UBAP2L: variants seen among roughly 807,000 people sequenced by gnomAD.
UBAP2L encodes the protein ubiquitin associated protein 2 like.
Under a neutral mutation model 130.6 loss-of-function variants are expected in UBAP2L, and 12 were observed. That is an observed-to-expected ratio of 0.09 (90% CI 0.06 to 0.15). UBAP2L has a LOEUF of 0.15. Ranked by LOEUF, UBAP2L falls within the 10% of genes least tolerant of loss-of-function variation. The probability of loss-of-function intolerance (pLI) is 1.00; values close to 1 mark genes in which losing one functional copy is unlikely to be tolerated. For synonymous variants in UBAP2L, 503 were observed against 524.7 expected (o/e 0.96, Z 0.57); for missense variants, 965 against 1,332.5 (o/e 0.72, Z 4.29).
rs752379192 is a variant in UBAP2L, at chr1:154,241,499, T to C, written c.704-14T>C. On this transcript the variant is annotated splice_polypyrimidine_tract_variant and intron_variant, in intron 8 of 26. Coordinates refer to ENST00000428931, the MANE Select transcript of UBAP2L (RefSeq NM_014847.4). Reference sequence around the variant, plus strand: ...TAATAGTGAAGTTACTTCACTATTTTTCTTTATTCTCAGGTGCATGGAGGA... The same window carrying C: ...TAATAGTGAAGTTACTTCACTATTTCTCTTTATTCTCAGGTGCATGGAGGA... 2.9e-5 allele frequency: 47 copies of C among 1,613,348 alleles called. No individual in the cohort carries two copies. The highest frequency in any genetic ancestry group is 1.4e-5 in the Non-Finnish European group (16 of 1,179,540).
intron 4 of UBAP2L, among the ~76,000 whole-genome samples, chr1:154,229,468 G>A (rs954377043): frequency 6.6e-6 from 1 of 151,510 alleles, no homozygotes; most frequent in African/African-American, 2.4e-5. Context: ...AATGAGCAGT[G>A]TATTATTATT....
intron 9 of UBAP2L, 44 bp from the exon 10 acceptor site, chr1:154,243,173 T>C: frequency 6.4e-7 from 1 of 1,558,162 alleles, no homozygotes; most frequent in Non-Finnish European, 8.8e-7. Context: ...TTTCTGACTG[T>C]AGCATCCCTG....
chr1:154,220,181 C>T, upstream of UBAP2L: 1 of 940,490 alleles, frequency 1.1e-6, no homozygotes, highest in South Asian at 1.5e-5. Flanking sequence ...CGGGTCGGCC[C>T]GACTAAGTGA....
intron 17 of UBAP2L, 121 bp from the exon 18 acceptor site, chr1:154,255,562 T>A: frequency 7.9e-7 from 1 of 1,267,942 alleles, no homozygotes. Context: ...GCTTAACATA[T>A]GATCTCAGAC....
rs1313175956 is a variant in UBAP2L, at chr1:154,254,020, A to T, written c.1785A>T (p.Arg595Ser). ...NNAQGPLYEQ[R>S]STQTRRYPSS... ...CTCAGGGCCCTCTTTATGAACAGAG[A>T]TCCACACAGACTCGGCGGTACCCCA... Residue 595 changes from arginine (R) to serine (S), a missense_variant, in exon 15 of 27, where the codon AGA becomes AGT. Physicochemically the swap from Arg to Ser is moderately radical, Grantham distance 110. Coordinates refer to ENST00000428931, the MANE Select transcript of UBAP2L (RefSeq NM_014847.4). 5 of 1,612,872 alleles carry T rather than the reference A, an allele frequency of 3.1e-6. No individual in the cohort carries two copies. The highest frequency in any genetic ancestry group is 4.2e-6 in the Non-Finnish European group (5 of 1,179,562).
At chr1:154,257,467 T>G in intron 20 of UBAP2L, 33 bp downstream of exon 20, 1 of 1,609,564 alleles carries the variant, frequency 6.2e-7, no homozygotes, top group Non-Finnish European at 8.5e-7. Flanking sequence ...CTTCAAAAGG[T>G]GAGGATGTTG....
At chr1:154,233,291 A>C (rs1342621377) in intron 4 of UBAP2L, among the ~76,000 whole-genome samples, 2 of 151,572 alleles carry the variant, frequency 1.3e-5, no homozygotes, top group Non-Finnish European at 2.9e-5. Flanking sequence ...CTGGAATTAC[A>C]GGCGTGAGTC....
At chr1:154,234,492 G>GT in intron 4 of UBAP2L, 99 bp from the exon 5 acceptor site, 1 of 1,303,020 alleles carries the variant, frequency 7.7e-7, no homozygotes, top group Non-Finnish European at 1.1e-6. Context: ...TGGATGCTGA[G>GT]TGGAGAATGG....
intron 2 of UBAP2L, among the ~76,000 whole-genome samples, chr1:154,227,030 C>T (rs1488353474): frequency 6.6e-6 from 1 of 152,208 alleles, no homozygotes; most frequent in Admixed American, 6.5e-5. Context: ...GCCATGTTGG[C>T]CAGGCTGGTC....
At chr1:154,238,898 G>A (rs1050504827) in intron 8 of UBAP2L, among the ~76,000 whole-genome samples, 10 of 151,834 alleles carry the variant, frequency 6.6e-5, no homozygotes, top group African/African-American at 7.3e-5. Context: ...ACGCCACCAC[G>A]CCTGGCTAAT....
chr1:154,228,467 G>A (rs554258713), intron 3 of UBAP2L, 148 bp from the exon 4 acceptor site: 20 of 562,982 alleles, frequency 3.6e-5, no homozygotes, highest in East Asian at 6.5e-5. Flanking sequence ...GATTATAGGC[G>A]TGAGCCACTG....
chr1:154,254,632 T>C lies in UBAP2L; in HGVS notation c.1855-204T>C, dbSNP rs1356992482. The C allele has an allele frequency of 1.2e-5, 7 of 588,300 alleles. No homozygotes were observed. In the Admixed American group the frequency reaches 2.6e-4, roughly 22 times the overall value. The allele number at this position is 588,300 out of a possible 1,614,324, so 36.4% of individuals were successfully genotyped here. A position where few individuals can be genotyped will look rare whatever the true frequency, so the allele number is the denominator to read the frequency against. ...TTTGCTTTTGGTCACACAGTGTTGG[T>C]ATATCTCAGTTTTGTTGTTTAATTT... On this transcript the variant is annotated intron_variant, in intron 15 of 26. Coordinates refer to ENST00000428931, the MANE Select transcript of UBAP2L (RefSeq NM_014847.4).
At chr1:154,220,637 T>A, upstream of UBAP2L, 1 of 585,238 alleles carries the variant, frequency 1.7e-6, no homozygotes, top group Non-Finnish European at 3.1e-6. Context: ...AGGCAGGCAA[T>A]GGCACCCAGG....
chr1:154,256,545 G>A (rs1250054051), intron 18 of UBAP2L, among the ~76,000 whole-genome samples: 2 of 152,074 alleles, frequency 1.3e-5, no homozygotes, highest in Non-Finnish European at 2.9e-5. Context: ...AGGCTGAAGT[G>A]GAAGGACTGT....
chr1:154,254,968 T>C (rs1679133477), intron 16 of UBAP2L, 78 bp downstream of exon 16: 1 of 1,524,508 alleles, frequency 6.6e-7, no homozygotes, highest in African/African-American at 1.4e-5. Flanking sequence ...TTAGTTCCCT[T>C]CACTGGACAA....
Position 154,225,157 on chromosome 1 carries a change from G to A in UBAP2L, c.34G>A (p.Gly12Arg), listed in dbSNP as rs1346145010. The change falls in exon 2 of 27, where the codon GGA (glycine) becomes AGA (arginine). Residue 12 changes from glycine to arginine, a missense_variant. Physicochemically the swap from Gly to Arg is moderately radical, Grantham distance 125. Transcript: ENST00000428931. ...MTSVGTNRAR[G>R]NWEQPQNQNQ... The stretch of plus-strand genomic sequence containing the variant: ...ATCGGTGGGCACTAACCGAGCCCGG[G>A]GAAACTGGGAACAACCTCAAAACCA... The A allele has an allele frequency of 6.2e-7, 1 of 1,613,918 alleles. No homozygotes were observed. Among genetic ancestry groups the A allele is most frequent in the Non-Finnish European group, 8.5e-7 (1 of 1,180,014 alleles).
intron 12 of UBAP2L, 24 bp downstream of exon 12, chr1:154,249,461 A>T (rs1314844344): frequency 2.5e-6 from 4 of 1,613,600 alleles, no homozygotes; most frequent in Non-Finnish European, 3.4e-6. Flanking sequence ...AAGTGACTTG[A>T]ATCTTTAAAG....
At chr1:154,240,037 C>G (rs1011435883) in intron 8 of UBAP2L, among the ~76,000 whole-genome samples, 2 of 152,116 alleles carry the variant, frequency 1.3e-5, no homozygotes, top group African/African-American at 4.8e-5. Context: ...TTTAGATGGG[C>G]TTTGTATTAG....
chr1:154,231,952 C>T (rs1229591278), intron 4 of UBAP2L, among the ~76,000 whole-genome samples: 2 of 152,136 alleles, frequency 1.3e-5, no homozygotes, highest in African/African-American at 4.8e-5. Flanking sequence ...TTATCTAATA[C>T]TCAGCCCATA....
Sources: allele counts gnomAD v4.1 joint callset (sites outside exome capture counted in the v4.1 genomes callset), GRCh38; gene constraint gnomAD v4.1.1; transcripts MANE v1.5; gene names NCBI Gene and HGNC (gene_info 2026-07-23, HGNC 2026-07-21).